Variants in NOX4 observed in about 807,000 individuals in gnomAD.
NOX4 encodes NADPH oxidase 4, also known as kidney oxidase-1.
NOX4 carries 69 observed loss-of-function variants against 87.6 expected under a neutral mutation model. That is an observed-to-expected ratio of 0.79 (90% CI 0.65 to 0.96). The LOEUF is 0.96. Ranked by LOEUF, NOX4 falls within the 40% of genes least tolerant of loss-of-function variation. The pLI, the probability that NOX4 is intolerant of heterozygous loss-of-function variation, is 0.00. For missense variants in NOX4, 680 were observed against 681.5 expected (o/e 1.00, Z 0.02); for synonymous variants, 275 against 238.2 (o/e 1.15, Z -1.42).
chr11:89,582,043 T>C, the NOX4 span, among the ~76,000 whole-genome samples: 342 of 152,210 alleles, frequency 2.2e-3, no homozygotes, highest in Middle Eastern at 6.8e-3. Flanking sequence ...TCCCTCCAGC[T>C]CCTGTCAGCT....
chr11:89,410,791 C>A (rs1156838925), intron 8 of NOX4, among the ~76,000 whole-genome samples: 1 of 152,170 alleles, frequency 6.6e-6, no homozygotes, highest in Non-Finnish European at 1.5e-5. Flanking sequence ...GAAAGGCAGT[C>A]TAGGTTTAAA....
At chr11:89,335,718 G>A (rs1233739380) in intron 17 of NOX4, 127 bp downstream of exon 17, 1 of 516,500 alleles carries the variant, frequency 1.9e-6, no homozygotes, top group Non-Finnish European at 3.5e-6. Flanking sequence ...GATAGTGAAA[G>A]AGTGTTTCAG....
intron 2 of NOX4, among the ~76,000 whole-genome samples, chr11:89,462,900 TCA>T (rs1945533501): frequency 6.6e-6 from 1 of 151,720 alleles, no homozygotes; most frequent in Non-Finnish European, 1.5e-5. Context: ...AACTCAAAAT[TCA>T]CAATAGTGGT....
chr11:89,443,327 G>A (rs995596782), intron 5 of NOX4: 1 of 151,792 alleles, frequency 6.6e-6, no homozygotes, highest in African/African-American at 2.4e-5. Flanking sequence ...ATGTGGAGGG[G>A]AAAAAGGAGT....
At chr11:89,433,279 G>A (rs1362315027) in intron 6 of NOX4, among the ~76,000 whole-genome samples, 1 of 151,944 alleles carries the variant, frequency 6.6e-6, no homozygotes, top group East Asian at 1.9e-4. Context: ...ATTAAAATCA[G>A]TACAGTTTCA....
chr11:89,498,203 G>A (rs1049624414), upstream of NOX4: 4 of 152,160 alleles, frequency 2.6e-5, no homozygotes, highest in African/African-American at 9.6e-5. Context: ...AGGAAAAGAA[G>A]TTTATGTTGT....
At chr11:89,360,941 T>TA (rs1938475861) in intron 12 of NOX4, among the ~76,000 whole-genome samples, 1 of 151,910 alleles carries the variant, frequency 6.6e-6, no homozygotes, top group African/African-American at 2.4e-5. Flanking sequence ...TTAAAAAGTC[T>TA]AAAAACAATA....
chr11:89,421,971 T>C lies in NOX4; in HGVS notation c.560A>G (p.Tyr187Cys). 1.3e-6 allele frequency: 2 copies of C among 1,539,808 alleles called. No individual in the cohort carries two copies. The highest frequency in any genetic ancestry group is 1.8e-6 in the Non-Finnish European group (2 of 1,142,730). ...ASTYAIRVSN[Y>C]DIFWYTHNLF... ...GTTATGAGTATACCAGAAGATATCA[T>C]AGTTAGAAACTCTGCAAAAACAAAT... The change falls in exon 8 of 18, where the codon TAT becomes TGT. Residue 187 changes from tyrosine to cysteine, a missense_variant. Tyr to Cys is a radical substitution (Grantham distance 194). Coordinates refer to ENST00000263317, the MANE Select transcript of NOX4 (RefSeq NM_016931.5).
the NOX4 span, among the ~76,000 whole-genome samples, chr11:89,582,068 T>C: frequency 6.6e-6 from 1 of 152,170 alleles, no homozygotes; most frequent in Non-Finnish European, 1.5e-5. Flanking sequence ...TTCTAGTCTC[T>C]TGTTCTATTA....
chr11:89,478,333 C>T (rs531712171), intron 2 of NOX4, among the ~76,000 whole-genome samples: 14 of 152,260 alleles, frequency 9.2e-5, no homozygotes, highest in African/African-American at 2.9e-4. Flanking sequence ...TAAATCTCAA[C>T]TGAAAACTGA....
the NOX4 span, among the ~76,000 whole-genome samples, chr11:89,555,134 A>T: frequency 6.6e-6 from 1 of 152,006 alleles, no homozygotes; most frequent in Non-Finnish European, 1.5e-5. Context: ...AGAGGTAATT[A>T]ATTCCATTCT....
intron 2 of NOX4, among the ~76,000 whole-genome samples, chr11:89,486,576 A>G (rs565776186): frequency 1.1e-3 from 152 of 137,272 alleles, no homozygotes; most frequent in Non-Finnish European, 1.5e-3. Context: ...ATACATATAT[A>G]TGTGTGTATA....
chr11:89,377,940 C>T (rs1489792536), intron 11 of NOX4, among the ~76,000 whole-genome samples: 1 of 152,048 alleles, frequency 6.6e-6, no homozygotes, highest in Non-Finnish European at 1.5e-5. Flanking sequence ...TTAATACTTC[C>T]AAAACTATCT....
At chr11:89,435,200 C>T (rs1325573119) in intron 6 of NOX4, among the ~76,000 whole-genome samples, 1 of 151,860 alleles carries the variant, frequency 6.6e-6, no homozygotes, top group Non-Finnish European at 1.5e-5. Flanking sequence ...AAAAAGAAAA[C>T]CTTTATTTGT....
chr11:89,426,910 G>A (rs552990553), intron 7 of NOX4, among the ~76,000 whole-genome samples: 5 of 152,260 alleles, frequency 3.3e-5, no homozygotes, highest in South Asian at 2.1e-4. Context: ...ATCTGAGAAC[G>A]GACAGACTGC....
chr11:89,458,789 A>G (rs1349661252), intron 2 of NOX4, among the ~76,000 whole-genome samples: 2 of 152,232 alleles, frequency 1.3e-5, no homozygotes, highest in African/African-American at 2.4e-5. Flanking sequence ...GCTATAATTA[A>G]AAAGTTAAAA....
At chr11:89,471,954 C>T (rs1251733653) in intron 2 of NOX4, among the ~76,000 whole-genome samples, 1 of 152,172 alleles carries the variant, frequency 6.6e-6, no homozygotes, top group Non-Finnish European at 1.5e-5. Context: ...GTTGGTGAGG[C>T]TGGCCTTGAA....
chr11:89,360,278 C>A (rs1257062929), intron 12 of NOX4, among the ~76,000 whole-genome samples: 2 of 152,042 alleles, frequency 1.3e-5, no homozygotes, highest in African/African-American at 4.8e-5. Context: ...CTCATACAGT[C>A]TGCAGTATTT....
At position 89,397,147 on chromosome 11, in the gene NOX4, A is replaced by G. The variant is rs560218451; in HGVS notation, c.1074+2870T>C. ...CAGACCACAGTGCAATCAAGTTAGA[A>G]CTCAGGATTAAGAAACTCACTCAAA... On this transcript the variant is annotated intron_variant, in intron 11 of 17. Coordinates refer to ENST00000263317, the MANE Select transcript of NOX4 (RefSeq NM_016931.5). 1.1e-4 allele frequency among the ~76,000 whole-genome samples: 17 copies of G among 152,316 alleles called. 1 individual carries two copies. In the South Asian group the frequency reaches 2.9e-3, roughly 26 times the overall value.
Sources: gnomAD v4.1 joint callset for allele counts (sites outside exome capture counted in the v4.1 genomes callset) on GRCh38, gnomAD v4.1.1 for gene constraint, MANE v1.5 for transcripts, NCBI Gene and HGNC (gene_info 2026-07-23, HGNC 2026-07-21) for gene names.